Variants in MYCBP2 observed in about 807,000 individuals in gnomAD.
The protein encoded by MYCBP2 is E3 ubiquitin-protein ligase MYCBP2.
MYCBP2 carries 120 observed loss-of-function variants against 525.3 expected under a neutral mutation model. The ratio of observed to expected loss-of-function variants is 0.23; its 90% CI spans 0.20 to 0.27. The LOEUF (loss-of-function observed/expected upper bound fraction) is 0.27, where lower values mean the gene tolerates loss of function less well. MYCBP2 is among the 10% of genes least tolerant of loss of function. The pLI is 1.00. For missense variants in MYCBP2, 4,149 were observed against 5,657.1 expected (o/e 0.73, Z 8.55); for synonymous variants, 1,894 against 1,955.8 (o/e 0.97, Z 0.83).
At chr13:77,112,730 C>T (rs916236439) in intron 55 of MYCBP2, among the ~76,000 whole-genome samples, 17 of 152,140 alleles carry the variant, frequency 1.1e-4, no homozygotes, top group Admixed American at 5.2e-4. Context: ...TGAGCCACTA[C>T]GCCTGGTCTG....
intron 65 of MYCBP2, 84 bp from the exon 66 acceptor site, chr13:77,078,973 C>T (rs755771288): frequency 2.0e-5 from 22 of 1,103,822 alleles, no homozygotes; most frequent in Non-Finnish European, 2.6e-5. Context: ...ACTAATACCA[C>T]ATCAACTCTT....
intron 46 of MYCBP2, among the ~76,000 whole-genome samples, chr13:77,151,175 G>A (rs1453658192): frequency 6.6e-6 from 1 of 151,998 alleles, no homozygotes; most frequent in African/African-American, 2.4e-5. Context: ...TCATAGTTTT[G>A]GAATACATAA....
chr13:77,157,105 G>T (rs76113738), intron 45 of MYCBP2, among the ~76,000 whole-genome samples: 1 of 150,530 alleles, frequency 6.6e-6, no homozygotes, highest in Non-Finnish European at 1.5e-5. Context: ...ATTTTTTTTT[G>T]AGATAGGGTC....
intron 29 of MYCBP2, among the ~76,000 whole-genome samples, chr13:77,189,706 A>G (rs2061109705): frequency 6.6e-6 from 1 of 152,208 alleles, no homozygotes; most frequent in Admixed American, 6.5e-5. Context: ...ATGCCTTTAT[A>G]CATGCTTAAA....
intron 45 of MYCBP2, among the ~76,000 whole-genome samples, chr13:77,157,354 G>T (rs1236602451): frequency 6.6e-6 from 1 of 152,178 alleles, no homozygotes; most frequent in African/African-American, 2.4e-5. Context: ...CCTCCAAGTA[G>T]CTGGGACTAC....
At chr13:77,157,909 T>C (rs1312394894) in intron 45 of MYCBP2, 28 bp downstream of exon 45, 3 of 1,568,150 alleles carry the variant, frequency 1.9e-6, no homozygotes, top group Non-Finnish European at 8.7e-7. Context: ...AGCCCTAAAA[T>C]AAAGTAAGTA....
chr13:77,169,474 A>C, intron 39 of MYCBP2, 140 bp downstream of exon 39: 1 of 656,312 alleles, frequency 1.5e-6, no homozygotes, highest in Non-Finnish European at 2.7e-6. Flanking sequence ...AAGTTTAATA[A>C]TTAGCAGATC....
intron 29 of MYCBP2, 108 bp from the exon 30 acceptor site, chr13:77,189,155 A>G: frequency 1.3e-6 from 1 of 753,260 alleles, no homozygotes; most frequent in Middle Eastern, 4.2e-4. Flanking sequence ...ATATATTTAA[A>G]TTTTTTTGCC....
Position 77,273,593 on chromosome 13 carries a change from G to T in MYCBP2, c.824C>A (p.Thr275Lys). Residue 275 changes from threonine to lysine, a missense_variant, in exon 5 of 83, where the codon ACA becomes AAA. By Grantham distance (78) the Thr-to-Lys change is moderately conservative. This residue lies in a region of MYCBP2 where 413 missense variants were observed against 451.2 expected (regional missense o/e 0.92). Coordinates refer to ENST00000544440, the MANE Select transcript of MYCBP2 (RefSeq NM_015057.5). ...GMNDSTGQSL[T>K]ALSCACLFSL... The stretch of plus-strand genomic sequence containing the variant: ...AAAGAGGCAAGCACAGGAAAGTGCT[G>T]TTAAGGACTGTCCTGTGCTGTCATT... 1 of 1,613,280 alleles carries T rather than the reference G, an allele frequency of 6.2e-7. No individual in the cohort carries two copies.
intron 44 of MYCBP2, among the ~76,000 whole-genome samples, chr13:77,158,525 C>T (rs2057483901): frequency 6.6e-6 from 1 of 152,206 alleles, no homozygotes; most frequent in East Asian, 1.9e-4. Context: ...TCATTGTAGC[C>T]TCAACCTCCT....
At chr13:77,318,108 T>G (rs1225872074) in intron 1 of MYCBP2, among the ~76,000 whole-genome samples, 1 of 152,102 alleles carries the variant, frequency 6.6e-6, no homozygotes, top group Non-Finnish European at 1.5e-5. Flanking sequence ...AAAGACAAAT[T>G]CAGACCCAGA....
In MYCBP2 at chr13:77,067,665, T is replaced by C. The variant is rs1436968303; in HGVS notation, c.12371A>G (p.Lys4124Arg). The C allele has an allele frequency of 2.5e-6, 4 of 1,614,054 alleles. No homozygotes were observed. Among genetic ancestry groups the C allele is most frequent in the Non-Finnish European group, 3.4e-6 (4 of 1,180,030 alleles). The stretch of plus-strand genomic sequence containing the variant: ...AGCTGTTCCAGTGATGGTGGTTCCT[T>C]TGGCTTTTAGCTGTACAGTGAGTGC... ...AKALTVQLKA[K>R]GTTITGTAGT... The change falls in exon 71 of 83, where the codon AAA (lysine) becomes AGA (arginine). Residue 4124 changes from lysine (K) to arginine (R), a missense_variant. By Grantham distance (26) the Lys-to-Arg change is conservative. Around this residue, in one of 21 missense-constraint regions of MYCBP2, gnomAD observed 148 missense variants for 179.4 expected, o/e 0.82. Coordinates refer to ENST00000544440, the MANE Select transcript of MYCBP2 (RefSeq NM_015057.5).
At chr13:77,076,641 C>T (rs958528111) in intron 68 of MYCBP2, 110 bp downstream of exon 68, 6 of 622,626 alleles carry the variant, frequency 9.6e-6, no homozygotes, top group South Asian at 6.9e-5. Context: ...ATATGAACTG[C>T]ATAAAACTGT....
rs536860986 is a variant in MYCBP2 at position 77,065,585 on chromosome 13, G to A, written c.12552+407C>T. ...CTTTGGAAGCCACCATCTTAAGACA[G>A]AGGGTATATGACATTAATAAAGAAG... is the stretch of plus-strand genomic sequence containing the variant. On this transcript the variant is annotated intron_variant, in intron 72 of 82. Transcript: ENST00000544440. Among the ~76,000 whole-genome samples the A allele has an allele frequency of 3.3e-4, 50 of 152,294 alleles. No homozygotes were observed. The Middle Eastern group carries it at 0.017, about 52-fold the overall frequency.
chr13:77,051,273 A>G (rs2154055249), intron 81 of MYCBP2, 111 bp from the exon 82 acceptor site: 1 of 901,268 alleles, frequency 1.1e-6, no homozygotes, highest in Non-Finnish European at 1.6e-6. Context: ...GAGGGCCTAC[A>G]TAACTCTAAA....
At chr13:77,154,829 A>G (rs1217454752) in intron 46 of MYCBP2, among the ~76,000 whole-genome samples, 1 of 151,816 alleles carries the variant, frequency 6.6e-6, no homozygotes, top group African/African-American at 2.4e-5. Flanking sequence ...TTTTTTTCTT[A>G]TAATTTGTGA....
intron 52 of MYCBP2, among the ~76,000 whole-genome samples, chr13:77,134,248 G>A (rs907726271): frequency 9.2e-5 from 14 of 152,138 alleles, no homozygotes; most frequent in Admixed American, 8.5e-4. Context: ...CGGGTGCAGT[G>A]GCTCACGTCT....
chr13:77,256,996 A>T (rs143544881), intron 14 of MYCBP2, among the ~76,000 whole-genome samples: 120 of 152,284 alleles, frequency 7.9e-4, no homozygotes, highest in Middle Eastern at 3.4e-3. Context: ...GTCCATCAAC[A>T]GATGAGTGGA....
intron 52 of MYCBP2, among the ~76,000 whole-genome samples, chr13:77,131,720 C>T (rs1384566579): frequency 2.6e-5 from 4 of 152,018 alleles, no homozygotes; most frequent in African/African-American, 9.7e-5. Flanking sequence ...TATACGAACA[C>T]ACATATATAT....
Sources: allele counts gnomAD v4.1 joint callset (sites outside exome capture counted in the v4.1 genomes callset), GRCh38; gene constraint gnomAD v4.1.1; regional missense constraint gnomAD v4.1.1; transcripts MANE v1.5; gene names NCBI Gene and HGNC (gene_info 2026-07-23, HGNC 2026-07-21).